The following YBEY variants were observed in gnomAD, a reference collection of about 807,000 sequenced individuals.
YBEY encodes ybeY metalloendoribonuclease, also known as endoribonuclease YbeY.
YBEY carries 15 observed loss-of-function variants against 13.5 expected under a neutral mutation model. The ratio of observed to expected loss-of-function variants is 1.11; its 90% CI spans 0.75 to 1.72. The LOEUF is 1.72. Among genes scored for constraint, YBEY ranks in the 40% most tolerant of loss-of-function variants. YBEY has a pLI of 0.00. For synonymous variants in YBEY, 101 were observed against 83.1 expected (o/e 1.21, Z -1.17); for missense variants, 244 against 208.4 (o/e 1.17, Z -1.05).
At chr21:46,304,277 G>A in the YBEY span, among the ~76,000 whole-genome samples, 8 of 151,900 alleles carry the variant, frequency 5.3e-5, no homozygotes, top group East Asian at 3.9e-4. Context: ...TGATCTGCCC[G>A]CCTCGGCCTC....
downstream of YBEY, chr21:46,300,508 G>T: frequency 3.0e-6 from 1 of 338,236 alleles, no homozygotes; most frequent in Non-Finnish European, 4.6e-6. Flanking sequence ...TGGAGTCTGA[G>T]CTTTGGTTTG....
At chr21:46,310,158 A>G in the YBEY span, among the ~76,000 whole-genome samples, 1 of 152,146 alleles carries the variant, frequency 6.6e-6, no homozygotes, top group African/African-American at 2.4e-5. Context: ...TTGTAGTGAT[A>G]TAAGTATATG....
downstream of YBEY, chr21:46,297,813 G>A: frequency 1.7e-6 from 2 of 1,209,774 alleles, no homozygotes; most frequent in Non-Finnish European, 2.1e-6. Flanking sequence ...GCATCGAGAG[G>A]GCGTCTGGAG....
At position 46,296,348 on chromosome 21, in the gene YBEY, C is replaced by A; in HGVS notation, c.408+118C>A. Reference sequence around the variant, plus strand: ...CCCCCGCAGGAACTGGACCTCAGACCTGCCCTTGTAAAAATGACACAGATG... The same window carrying A: ...CCCCCGCAGGAACTGGACCTCAGACATGCCCTTGTAAAAATGACACAGATG... On this transcript the variant is annotated intron_variant, in intron 4 of 4. Transcript: ENST00000397701. 6.3e-6 allele frequency: 7 copies of A among 1,107,182 alleles called. No homozygotes were observed. The South Asian group carries it at 7.9e-5, about 13-fold the overall frequency. The allele number at this position is 1,107,182 out of a possible 1,614,324, so 68.6% of individuals were successfully genotyped here.
At chr21:46,312,082 CCCAT>C in the YBEY span, among the ~76,000 whole-genome samples, 3 of 151,626 alleles carry the variant, frequency 2.0e-5, no homozygotes, top group Non-Finnish European at 4.4e-5. Context: ...CATCCACCCA[CCCAT>C]CCATCCAACC....
chr21:46,289,447 T>G (rs1047058492), intron 2 of YBEY, among the ~76,000 whole-genome samples: 4 of 126,594 alleles, frequency 3.2e-5, no homozygotes, highest in South Asian at 4.9e-4. Flanking sequence ...AAGGGTTTTG[T>G]TTTTTTTTTT....
At chr21:46,302,370 G>T, downstream of YBEY, 1 of 1,082,968 alleles carries the variant, frequency 9.2e-7, no homozygotes, top group Non-Finnish European at 1.3e-6. Context: ...CAGCCAGACT[G>T]TAGACCTGAG....
chr21:46,311,488 A>G, the YBEY span: 2 of 1,606,124 alleles, frequency 1.2e-6, no homozygotes, highest in African/African-American at 2.7e-5. Context: ...TTGAGTAGGG[A>G]AGGCCTGGGG....
At chr21:46,291,748 G>A in intron 3 of YBEY, 1 of 1,141,524 alleles carries the variant, frequency 8.8e-7, no homozygotes, top group Non-Finnish European at 1.1e-6. Context: ...AGCTAACACA[G>A]ACCTGCTGAA....
intron 2 of YBEY, among the ~76,000 whole-genome samples, chr21:46,289,427 A>G (rs928176953): frequency 2.6e-5 from 4 of 151,616 alleles, no homozygotes; most frequent in Non-Finnish European, 5.9e-5. Context: ...TCAGGGAGGT[A>G]AAGGAAGGCA....
chr21:46,297,491 G>A, intron 4 of YBEY, 48 bp from the exon 5 acceptor site: 12 of 1,335,478 alleles, frequency 9.0e-6, no homozygotes, highest in Non-Finnish European at 1.2e-5. Context: ...AGAGAGTGGG[G>A]CGCGGACACC....
At chr21:46,301,027 C>T, downstream of YBEY, 1 of 1,006,030 alleles carries the variant, frequency 9.9e-7, no homozygotes, top group Non-Finnish European at 1.2e-6. Flanking sequence ...TTTACAGGAA[C>T]AAGAGCTGTG....
At chr21:46,306,447 T>A in the YBEY span, among the ~76,000 whole-genome samples, 33 of 152,038 alleles carry the variant, frequency 2.2e-4, no homozygotes, top group Non-Finnish European at 4.1e-4. Context: ...TGCATTGAGC[T>A]GAGATCATGC....
the YBEY span, among the ~76,000 whole-genome samples, chr21:46,311,807 TCATC>T: frequency 2.0e-5 from 1 of 50,380 alleles, no homozygotes; most frequent in South Asian, 7.1e-4. Flanking sequence ...AACCAACCAT[TCATC>T]CACCCACCCA....
chr21:46,298,029 G>A (rs889437440), downstream of YBEY, among the ~76,000 whole-genome samples: 1 of 152,216 alleles, frequency 6.6e-6, no homozygotes, highest in African/African-American at 2.4e-5. Flanking sequence ...AGTAAACCCT[G>A]GAGTTTCAGC....
At chr21:46,296,138 G>C in intron 3 of YBEY, 24 bp from the exon 4 acceptor site, 7 of 1,613,536 alleles carry the variant, frequency 4.3e-6, no homozygotes, top group Non-Finnish European at 5.1e-6. Context: ...CATCCTCTGA[G>C]CCGGTTTAAA....
downstream of YBEY, chr21:46,300,872 T>C (rs765625129): frequency 6.4e-6 from 7 of 1,100,306 alleles, no homozygotes; most frequent in Non-Finnish European, 8.3e-6. Flanking sequence ...AGAAACATAA[T>C]TGCACCCAAA....
intron 2 of YBEY, among the ~76,000 whole-genome samples, chr21:46,290,384 T>G (rs962895327): frequency 6.6e-5 from 10 of 152,070 alleles, no homozygotes; most frequent in Non-Finnish European, 1.3e-4. Flanking sequence ...TTTTGTATTT[T>G]TAGTAGAGAT....
downstream of YBEY, among the ~76,000 whole-genome samples, chr21:46,298,433 G>GTTTTTTTTTTTTTTTTTTTTTT (rs1569107101): frequency 8.9e-5 from 6 of 67,238 alleles, no homozygotes; most frequent in African/African-American, 9.3e-5. Flanking sequence ...TTTAATCCAA[G>GTTTTTTTTTTTTTTTTTTTTTT]CTTTTTTTTT....
Sources: gnomAD v4.1 joint callset for allele counts (sites outside exome capture counted in the v4.1 genomes callset) on GRCh38, gnomAD v4.1.1 for gene constraint, MANE v1.5 for transcripts, NCBI Gene and HGNC (gene_info 2026-07-23, HGNC 2026-07-21) for gene names.